The following CWH43 variants were observed in gnomAD, a reference collection of about 807,000 sequenced individuals.
CWH43 encodes cell wall biogenesis 43 C-terminal homolog.
In CWH43, 91 loss-of-function variants were observed where a neutral mutation model predicts 85.7. The ratio of observed to expected loss-of-function variants is 1.06; its 90% CI spans 0.90 to 1.26. The LOEUF is 1.26. Ranked by LOEUF, CWH43 falls within the 50% of genes most tolerant of loss-of-function variation. The pLI is 0.00. For missense variants in CWH43, 869 were observed against 839.2 expected (o/e 1.04, Z -0.44); for synonymous variants, 323 against 293.6 (o/e 1.10, Z -1.02).
chr4:49,040,121 A>G (rs372290239), intron 13 of CWH43, among the ~76,000 whole-genome samples: 2 of 152,286 alleles, frequency 1.3e-5, no homozygotes, highest in East Asian at 3.9e-4. Context: ...TATATGTGCC[A>G]CATTTTCTTA....
At position 48,991,933 on chromosome 4, in the gene CWH43, C is replaced by T; in HGVS notation, c.357-3C>T. ...GTGTTTAAAAATACTTTTGCACTTA[C>T]AGGTACCTCAGAATTTGGGGATTCA... On this transcript the variant is annotated splice_region_variant and splice_polypyrimidine_tract_variant and intron_variant, in intron 3 of 15. Transcript: ENST00000226432. The T allele has an allele frequency of 6.2e-7, 1 of 1,611,096 alleles. No individual in the cohort carries two copies. The highest frequency in any genetic ancestry group is 8.5e-7 in the Non-Finnish European group (1 of 1,177,794).
chr4:49,026,984 T>C (rs1783936448), intron 9 of CWH43, among the ~76,000 whole-genome samples: 1 of 152,228 alleles, frequency 6.6e-6, no homozygotes, highest in Admixed American at 6.5e-5. Flanking sequence ...ATTGTGATTG[T>C]ACCAATTTAC....
intron 15 of CWH43, among the ~76,000 whole-genome samples, chr4:49,052,589 C>T (rs1399465965): frequency 2.0e-5 from 3 of 152,088 alleles, no homozygotes; most frequent in Admixed American, 6.5e-5. Context: ...TTTCTTGTGT[C>T]GTTATTCTTC....
intron 14 of CWH43, among the ~76,000 whole-genome samples, chr4:49,047,813 A>G (rs1216491214): frequency 6.6e-6 from 1 of 152,050 alleles, no homozygotes; most frequent in Admixed American, 6.6e-5. Flanking sequence ...TAGTGACCTT[A>G]CTCGTTCTTG....
chr4:48,989,343 G>T (rs189808527), intron 2 of CWH43, among the ~76,000 whole-genome samples: 1 of 152,154 alleles, frequency 6.6e-6, no homozygotes, highest in African/African-American at 2.4e-5. Flanking sequence ...TGCAGTAGGG[G>T]TGGGGAAACA....
intron 12 of CWH43, among the ~76,000 whole-genome samples, chr4:49,037,511 A>C (rs1784295722): frequency 6.6e-6 from 1 of 151,746 alleles, no homozygotes; most frequent in South Asian, 2.1e-4. Context: ...TGGAGGTTCC[A>C]GTGAGCCGAG....
At chr4:49,007,445 T>G in intron 8 of CWH43, 119 bp downstream of exon 8, 1 of 1,216,524 alleles carries the variant, frequency 8.2e-7, no homozygotes, top group Non-Finnish European at 1.1e-6. Flanking sequence ...TTCTCAACAT[T>G]TTGCCATGTT....
intron 9 of CWH43, among the ~76,000 whole-genome samples, chr4:49,026,658 T>G (rs1560502084): frequency 6.6e-6 from 1 of 152,196 alleles, no homozygotes; most frequent in Non-Finnish European, 1.5e-5. Context: ...ATTCCTGAGT[T>G]ACTTCACTTA....
intron 8 of CWH43, among the ~76,000 whole-genome samples, chr4:49,011,841 C>A (rs544915608): frequency 6.6e-6 from 1 of 152,128 alleles, no homozygotes; most frequent in Non-Finnish European, 1.5e-5. Context: ...ACAAAAGATC[C>A]GCTGTTAGTC....
intron 9 of CWH43, among the ~76,000 whole-genome samples, chr4:49,018,484 T>G (rs572800085): frequency 6.6e-6 from 1 of 152,352 alleles, no homozygotes; most frequent in Admixed American, 6.5e-5. Context: ...TACAGATAAT[T>G]CTTGATTTTG....
rs1553916952 is a variant in CWH43, at chr4:49,039,331, A to ATATG, written c.1803+1153_1803+1154insTGTA. Reference sequence around the variant, plus strand: ...GATATATATATATATATATATATATATACTGATGTATATATATACTGATAT... The same window carrying ATATG: ...GATATATATATATATATATATATATATATGTACTGATGTATATATATACTGATAT... On this transcript the variant is annotated intron_variant, in intron 13 of 15. Coordinates refer to ENST00000226432, the MANE Select transcript of CWH43 (RefSeq NM_025087.3). 4.4e-5 allele frequency among the ~76,000 whole-genome samples: 3 copies of ATATG among 68,834 alleles called. 1 individual carries two copies. Among genetic ancestry groups the ATATG allele is most frequent in the African/African-American group, 1.4e-4 (3 of 21,724 alleles). The allele number at this position is 68,834 out of a possible 152,430, so 45.2% of individuals were successfully genotyped here.
chr4:49,000,509 T>G (rs1457348493), intron 6 of CWH43, among the ~76,000 whole-genome samples: 1 of 152,234 alleles, frequency 6.6e-6, no homozygotes, highest in Non-Finnish European at 1.5e-5. Context: ...CAGGAAAGTT[T>G]GTCAGTGCTG....
chr4:49,039,122 AAG>A (rs1186790045), intron 13 of CWH43, among the ~76,000 whole-genome samples: 1 of 145,930 alleles, frequency 6.9e-6, no homozygotes, highest in Non-Finnish European at 1.5e-5. Context: ...AAATTAAAAA[AAG>A]AATTGAGAGT....
chr4:49,040,671 A>C (rs1348217721), intron 13 of CWH43, among the ~76,000 whole-genome samples: 10 of 151,942 alleles, frequency 6.6e-5, no homozygotes, highest in Admixed American at 5.9e-4. Context: ...AGGTTTTGAA[A>C]ATTTTCTCCC....
rs1171554859 is a variant in CWH43, at chr4:48,992,432, C to T, written c.511+342C>T. ...GGTCAGAGCTCTCTAGGATGGGATT[C>T]TCCATCCTCCACCTCCACACTGACC... On this transcript the variant is annotated intron_variant, in intron 4 of 15. Coordinates refer to ENST00000226432, the MANE Select transcript of CWH43 (RefSeq NM_025087.3). The surrounding 1 kb of genome is among the most constrained non-coding windows in gnomAD (Gnocchi z 4.3). Among the ~76,000 whole-genome samples, 1 of 152,194 alleles carries T rather than the reference C, an allele frequency of 6.6e-6. No homozygotes were observed. The highest frequency in any genetic ancestry group is 1.5e-5 in the Non-Finnish European group (1 of 68,036).
intron 13 of CWH43, among the ~76,000 whole-genome samples, chr4:49,042,028 A>G (rs550712548): frequency 6.6e-6 from 1 of 152,268 alleles, no homozygotes; most frequent in Admixed American, 6.5e-5. Flanking sequence ...TAGTCTCTGC[A>G]TTTTTTGGAT....
Position 49,050,750 on chromosome 4 carries a change from C to T in CWH43, c.1922C>T (p.Ala641Val). The T allele has an allele frequency of 6.2e-7, 1 of 1,612,350 alleles. No individual in the cohort carries two copies. Among genetic ancestry groups the T allele is most frequent in the Non-Finnish European group, 8.5e-7 (1 of 1,178,614 alleles). The change falls in exon 15 of 16, where the codon GCA (alanine) becomes GTA (valine). Residue 641 changes from alanine to valine, a missense_variant. By Grantham distance (64) the Ala-to-Val change is moderately conservative (BLOSUM62 0). Coordinates refer to ENST00000226432, the MANE Select transcript of CWH43 (RefSeq NM_025087.3). ...CTGAGTGATTCAGAAATTCAGATGG[C>T]AAAATTTAGGATCCCTGATGACCCC... is the stretch of plus-strand genomic sequence containing the variant. ...AELSDSEIQM[A>V]KFRIPDDPTN... is the part of the protein sequence containing the mutation.
chr4:48,995,098 G>A (rs767035888), intron 5 of CWH43, among the ~76,000 whole-genome samples: 6 of 152,192 alleles, frequency 3.9e-5, no homozygotes, highest in African/African-American at 1.2e-4. Flanking sequence ...TAGGCATCTC[G>A]AGGAATGCCT....
intron 13 of CWH43, among the ~76,000 whole-genome samples, chr4:49,039,334 C>CTGAT (rs767162314): frequency 0.2 from 1,300 of 6,450 alleles, 56 homozygotes; most frequent in Non-Finnish European, 0.31. Context: ...TATATATATA[C>CTGAT]TGATGTATAT....
Sources: allele counts gnomAD v4.1 joint callset (sites outside exome capture counted in the v4.1 genomes callset), GRCh38; gene constraint gnomAD v4.1.1; non-coding constraint Gnocchi (gnomAD v3.1); transcripts MANE v1.5; gene names NCBI Gene and HGNC (gene_info 2026-07-23, HGNC 2026-07-21).